The following SLIT3 variants were observed in gnomAD, a reference collection of about 807,000 sequenced individuals.
The protein encoded by SLIT3 is slit guidance ligand 3.
SLIT3 carries 68 observed loss-of-function variants against 184.0 expected under a neutral mutation model. The observed-to-expected ratio is 0.37, with a 90% CI of 0.30 to 0.45. The LOEUF (loss-of-function observed/expected upper bound fraction) is 0.45. Ranked by LOEUF, SLIT3 falls within the 20% of genes least tolerant of loss-of-function variation. The pLI, the probability that SLIT3 is intolerant of heterozygous loss-of-function variation, is 1.00. For synonymous variants in SLIT3, 831 were observed against 828.6 expected, an observed-to-expected ratio of 1.00 and a Z score of -0.05; for missense variants, 1,707 against 2,026.0, an observed-to-expected ratio of 0.84 and a Z score of 3.02.
intron 4 of SLIT3, among the ~76,000 whole-genome samples, chr5:168,897,519 A>G (rs892336665): frequency 9.9e-5 from 15 of 152,110 alleles, no homozygotes; most frequent in African/African-American, 2.9e-4. Context: ...AAAGAGAAAT[A>G]AAAGTCGGAG....
intron 4 of SLIT3, among the ~76,000 whole-genome samples, chr5:169,009,760 A>G (rs59729837): frequency 0.17 from 25,902 of 152,242 alleles, 2,635 homozygotes; most frequent in East Asian, 0.51. Flanking sequence ...CCCTCCCAGA[A>G]TTATAAATGT....
chr5:169,186,644 A>C (rs1267123840), intron 4 of SLIT3, among the ~76,000 whole-genome samples: 1 of 152,214 alleles, frequency 6.6e-6, no homozygotes, highest in Non-Finnish European at 1.5e-5. Flanking sequence ...GGACTGCCTC[A>C]AAGAAACATG....
chr5:168,747,124 G>T (rs1481475443), intron 20 of SLIT3, among the ~76,000 whole-genome samples: 2 of 152,032 alleles, frequency 1.3e-5, no homozygotes, highest in Non-Finnish European at 1.5e-5. Flanking sequence ...AGCAACTTCA[G>T]CCAGAGCACT....
intron 6 of SLIT3, among the ~76,000 whole-genome samples, chr5:168,829,099 A>C (rs1757800216): frequency 6.6e-6 from 1 of 152,132 alleles, no homozygotes; most frequent in Non-Finnish European, 1.5e-5. Flanking sequence ...GCATCCCTCA[A>C]GATAGCCATC....
chr5:168,954,639 C>T (rs576910086), intron 4 of SLIT3, among the ~76,000 whole-genome samples: 2 of 152,326 alleles, frequency 1.3e-5, no homozygotes, highest in South Asian at 2.1e-4. Context: ...GCCTTTCCAA[C>T]GTCATTTGAA....
chr5:168,852,907 T>C (rs1758729459), intron 5 of SLIT3, among the ~76,000 whole-genome samples: 2 of 152,360 alleles, frequency 1.3e-5, no homozygotes, highest in South Asian at 2.1e-4. Flanking sequence ...ATTTGTGGCA[T>C]TACTTAATTT....
At chr5:168,727,024 A>G (rs1463977404) in intron 20 of SLIT3, among the ~76,000 whole-genome samples, 2 of 151,694 alleles carry the variant, frequency 1.3e-5, no homozygotes, top group African/African-American at 2.4e-5. Flanking sequence ...AAAAAAAAAA[A>G]AAAGAAATAT....
chr5:168,839,162 C>T (rs141421213), intron 6 of SLIT3, among the ~76,000 whole-genome samples: 16 of 152,276 alleles, frequency 1.1e-4, no homozygotes, highest in African/African-American at 2.9e-4. Flanking sequence ...TAGGTTCGGG[C>T]GTCCTGGACT....
At chr5:168,986,697 G>C (rs1469525759) in intron 4 of SLIT3, among the ~76,000 whole-genome samples, 2 of 152,114 alleles carry the variant, frequency 1.3e-5, no homozygotes, top group Non-Finnish European at 2.9e-5. Flanking sequence ...GAAGGACGTG[G>C]GTTCACATTG....
intron 4 of SLIT3, among the ~76,000 whole-genome samples, chr5:168,986,954 A>G (rs1052562250): frequency 6.6e-6 from 1 of 152,256 alleles, no homozygotes; most frequent in African/African-American, 2.4e-5. Flanking sequence ...AGGCTGAGGC[A>G]GGAGAATCGC....
intron 4 of SLIT3, among the ~76,000 whole-genome samples, chr5:168,913,336 C>CT (rs1285212304): frequency 1.3e-5 from 2 of 152,230 alleles, no homozygotes; most frequent in African/African-American, 4.8e-5. Context: ...AGAAGCATTA[C>CT]TAACGCCCTC....
At chr5:169,102,825 CT>C (rs1760067523) in intron 4 of SLIT3, among the ~76,000 whole-genome samples, 1 of 152,194 alleles carries the variant, frequency 6.6e-6, no homozygotes, top group Non-Finnish European at 1.5e-5. Flanking sequence ...CCGAAACATC[CT>C]CACAGAAGCA....
intron 10 of SLIT3, 84 bp from the exon 11 acceptor site, chr5:168,789,715 A>C (rs921272633): frequency 7.1e-6 from 7 of 984,580 alleles, no homozygotes; most frequent in African/African-American, 1.6e-5. Flanking sequence ...AGCATTTCAG[A>C]CATTCAAAAT....
intron 20 of SLIT3, among the ~76,000 whole-genome samples, chr5:168,737,355 A>C (rs1198330327): frequency 2.6e-5 from 4 of 151,882 alleles, no homozygotes; most frequent in African/African-American, 9.7e-5. Context: ...TCTTGTCATC[A>C]CCTCTTGCCA....
intron 4 of SLIT3, among the ~76,000 whole-genome samples, chr5:169,139,908 G>A (rs938964813): frequency 7.2e-5 from 11 of 152,124 alleles, no homozygotes; most frequent in Admixed American, 6.6e-4. Context: ...ACCCTCGCGA[G>A]CAAATATTGA....
intron 4 of SLIT3, among the ~76,000 whole-genome samples, chr5:168,889,780 A>G (rs1760372472): frequency 6.6e-6 from 1 of 152,172 alleles, no homozygotes; most frequent in Non-Finnish European, 1.5e-5. Context: ...TTACATCCTT[A>G]TTTATCCCAG....
intron 16 of SLIT3, 60 bp from the exon 17 acceptor site, chr5:168,754,067 AG>A (rs1754810164): frequency 1.3e-6 from 2 of 1,504,722 alleles, no homozygotes; most frequent in Non-Finnish European, 1.8e-6. Flanking sequence ...TGATGCCGGG[AG>A]GGGATGACTT....
At chr5:168,902,512 T>C (rs1760904345) in intron 4 of SLIT3, among the ~76,000 whole-genome samples, 1 of 151,202 alleles carries the variant, frequency 6.6e-6, no homozygotes, top group African/African-American at 2.4e-5. Flanking sequence ...GAAGGAAGAG[T>C]AGGAATTATG....
intron 4 of SLIT3, among the ~76,000 whole-genome samples, chr5:169,104,566 G>A (rs548029576): frequency 6.6e-6 from 1 of 152,294 alleles, no homozygotes; most frequent in Admixed American, 6.5e-5. Flanking sequence ...CAAATGGATT[G>A]GCAGGTCAGC....
Sources: gnomAD v4.1 joint callset for allele counts (sites outside exome capture counted in the v4.1 genomes callset) on GRCh38, gnomAD v4.1.1 for gene constraint, MANE v1.5 for transcripts, NCBI Gene and HGNC (gene_info 2026-07-23, HGNC 2026-07-21) for gene names.